Variants in SLC25A36 observed in about 807,000 individuals in gnomAD.
SLC25A36 encodes the protein epididymis secretory sperm binding protein.
Under a neutral mutation model 35.3 loss-of-function variants are expected in SLC25A36, and 24 were observed. The observed-to-expected ratio is 0.68, with a 90% CI of 0.49 to 0.96. The LOEUF (loss-of-function observed/expected upper bound fraction) is 0.96, where lower values mean the gene tolerates loss of function less well. Among genes scored for constraint, SLC25A36 ranks in the 40% least tolerant of loss-of-function variants. SLC25A36 has a pLI of 0.00. For missense variants in SLC25A36, 294 were observed against 381.1 expected, an observed-to-expected ratio of 0.77 and a Z score of 1.90; for synonymous variants, 141 against 132.2, an observed-to-expected ratio of 1.07 and a Z score of -0.46.
chr3:140,957,611 C>G (rs963683319), intron 2 of SLC25A36, among the ~76,000 whole-genome samples: 45 of 152,006 alleles, frequency 3.0e-4, no homozygotes, highest in African/African-American at 1.0e-3. Flanking sequence ...TGTGGTGGTG[C>G]GCACCTGTAA....
intron 1 of SLC25A36, among the ~76,000 whole-genome samples, chr3:140,955,132 A>G (rs1470883000): frequency 6.6e-6 from 1 of 151,670 alleles, no homozygotes; most frequent in Non-Finnish European, 1.5e-5. Flanking sequence ...GTTTTATCTT[A>G]TTTTCTTTGT....
Position 140,942,064 on chromosome 3 carries a change from A to C in SLC25A36, c.10A>C (p.Arg4=). The C allele has an allele frequency of 6.7e-7, 1 of 1,484,972 alleles. No homozygotes were observed. The highest frequency in any genetic ancestry group is 9.1e-7 in the Non-Finnish European group (1 of 1,102,122). The allele number at this position is 1,484,972 out of a possible 1,614,324, so 92.0% of individuals were successfully genotyped here. A position where few individuals can be genotyped will look rare whatever the true frequency, so the allele number is the denominator to read the frequency against. Residue 4 remains arginine (R), a synonymous_variant, in exon 1 of 7, where the codon AGG becomes CGG. Transcript: ENST00000324194. The part of the protein sequence containing the change: MSQ[R]DTLVHLFAGG... ...ACATGCGGGAGAGAGAATGAGCCAGAGGGACACGCTGGTGCATCTGTTTGC... is the reference window on the plus strand; with the variant it reads ...ACATGCGGGAGAGAGAATGAGCCAGCGGGACACGCTGGTGCATCTGTTTGC...
chr3:140,974,311 A>G (rs1383150050), intron 6 of SLC25A36, among the ~76,000 whole-genome samples: 1 of 152,090 alleles, frequency 6.6e-6, no homozygotes, highest in African/African-American at 2.4e-5. Flanking sequence ...TAGGTGCTAT[A>G]CTAGATAGTT....
intron 1 of SLC25A36, chr3:140,942,373 A>C: frequency 3.0e-6 from 1 of 330,262 alleles, no homozygotes; most frequent in Non-Finnish European, 5.5e-6. Context: ...CCGGGCCGGG[A>C]GTGAGGTTTT....
chr3:140,958,391 G>T (rs1934534194), intron 2 of SLC25A36, among the ~76,000 whole-genome samples: 1 of 152,104 alleles, frequency 6.6e-6, no homozygotes, highest in Non-Finnish European at 1.5e-5. Flanking sequence ...AGGTTGTATA[G>T]TATTTGCTTG....
At position 140,976,558 on chromosome 3, in the gene SLC25A36, C is replaced by T. The variant is rs911382056; in HGVS notation, c.*105C>T. ...AGACAGAAGAAAAATAGTTTGGGAACATGTAACTATTCTAAGTGGAAGTTT... is the reference window on the plus strand; with the variant it reads ...AGACAGAAGAAAAATAGTTTGGGAATATGTAACTATTCTAAGTGGAAGTTT... On this transcript the variant is annotated 3_prime_UTR_variant, in exon 7 of 7. Transcript: ENST00000324194. The T allele has an allele frequency of 2.5e-5, 22 of 883,104 alleles. No individual in the cohort carries two copies. The African/African-American group carries it at 3.3e-4, about 13-fold the overall frequency. 54.7% of individuals were successfully genotyped at this position (883,104 alleles called of 1,614,324 possible). A position where few individuals can be genotyped will look rare whatever the true frequency, so the allele number is the denominator to read the frequency against.
chr3:140,968,765 C>A (rs1216078846), intron 4 of SLC25A36: 9 of 883,276 alleles, frequency 1.0e-5, no homozygotes, highest in Non-Finnish European at 9.4e-6. Context: ...AGAAGTAGAA[C>A]TTTTATTTAA....
intron 4 of SLC25A36, chr3:140,968,085 G>T: frequency 2.0e-6 from 2 of 984,910 alleles, no homozygotes; most frequent in Non-Finnish European, 2.4e-6. Context: ...ACCTCAAATT[G>T]CCTTACCATA....
intron 3 of SLC25A36, 59 bp from the exon 4 acceptor site, chr3:140,963,068 A>C: frequency 9.5e-7 from 1 of 1,053,128 alleles, no homozygotes; most frequent in Non-Finnish European, 1.4e-6. Flanking sequence ...AGATCAATTT[A>C]TATGTAAATC....
At chr3:140,966,402 C>A in intron 4 of SLC25A36, 1 of 291,194 alleles carries the variant, frequency 3.4e-6, no homozygotes, top group South Asian at 3.2e-5. Context: ...TATGGATGTG[C>A]AATATTACTG....
intron 4 of SLC25A36, chr3:140,967,835 T>G (rs759363933): frequency 2.0e-5 from 5 of 252,086 alleles, no homozygotes; most frequent in Non-Finnish European, 3.1e-5. Flanking sequence ...TAACTGACTG[T>G]GGAGCAATAT....
Position 140,978,441 on chromosome 3 carries a change from A to T in SLC25A36, c.*1988A>T, listed in dbSNP as rs965156867. 1.3e-5 allele frequency: 2 copies of T among 152,138 alleles called. No individual in the cohort carries two copies. The highest frequency in any genetic ancestry group is 4.8e-5 in the African/African-American group (2 of 41,428). The allele number at this position is 152,138 out of a possible 1,614,324, so 9.4% of individuals were successfully genotyped here. A position where few individuals can be genotyped will look rare whatever the true frequency, so the allele number is the denominator to read the frequency against. ...GCCTTGTGAAGACCCATAAACATTC[A>T]TTGTGTTGAATGTAAGATAGAGACT... is the stretch of plus-strand genomic sequence containing the variant. On this transcript the variant is annotated 3_prime_UTR_variant, in exon 7 of 7. Transcript: ENST00000324194.
At chr3:140,945,010 T>G (rs1934124900) in intron 1 of SLC25A36, among the ~76,000 whole-genome samples, 1 of 152,244 alleles carries the variant, frequency 6.6e-6, no homozygotes, top group South Asian at 2.1e-4. Context: ...TTCCTCTGTC[T>G]TGCTCTGTTT....
intron 6 of SLC25A36, among the ~76,000 whole-genome samples, chr3:140,974,805 G>T (rs991713389): frequency 6.6e-6 from 1 of 152,184 alleles, no homozygotes; most frequent in East Asian, 1.9e-4. Flanking sequence ...GGAAAAATGA[G>T]CCAGGCCTAG....
At chr3:140,945,241 T>A (rs1218129291) in intron 1 of SLC25A36, among the ~76,000 whole-genome samples, 3 of 152,206 alleles carry the variant, frequency 2.0e-5, no homozygotes, top group Non-Finnish European at 4.4e-5. Context: ...ATGTCAGGGC[T>A]ACAATCTCAT....
rs1392966663 is a variant in SLC25A36 at position 140,957,923 on chromosome 3, AGCTTT to A, written c.206+1233_206+1237del. ...AGTAGTTTTGCCTTCCCTTCACAGGAGCTTTAGTAATCCTTCTGGGCTGTGTTTTA... is the reference window on the plus strand; with the variant it reads ...AGTAGTTTTGCCTTCCCTTCACAGGAAGTAATCCTTCTGGGCTGTGTTTTA... On this transcript the variant is annotated intron_variant, in intron 2 of 6. Coordinates refer to ENST00000324194, the MANE Select transcript of SLC25A36 (RefSeq NM_001104647.3). Among the ~76,000 whole-genome samples the A allele has an allele frequency of 5.0e-3, 756 of 152,154 alleles. 9 individuals carry two copies. Among genetic ancestry groups the A allele is most frequent in the African/African-American group, 0.015 (629 of 41,524 alleles).
rs10662120 is a variant in SLC25A36, at chr3:140,975,097, C to CTTTTTTTTTTTTTTTTTTTTTTTT, written c.742+1099_742+1122dup. 2.9e-4 allele frequency among the ~76,000 whole-genome samples: 16 copies of CTTTTTTTTTTTTTTTTTTTTTTTT among 55,222 alleles called. 6 individuals carry two copies. The highest frequency in any genetic ancestry group is 5.3e-4 in the Non-Finnish European group (15 of 28,238). 36.2% of individuals were successfully genotyped at this position (55,222 alleles called of 152,430 possible). On this transcript the variant is annotated intron_variant, in intron 6 of 6. Transcript: ENST00000324194. The stretch of plus-strand genomic sequence containing the variant: ...GTACAGTTGATAAACAAGATACATT[C>CTTTTTTTTTTTTTTTTTTTTTTTT]TTTTTTTTTTTTTTTTTTTTTTTTT...
intron 4 of SLC25A36, chr3:140,968,482 T>G: frequency 1.0e-5 from 10 of 983,536 alleles, no homozygotes; most frequent in Non-Finnish European, 1.2e-5. Flanking sequence ...TGTGTCCTGT[T>G]ACATAGGTTA....
chr3:140,956,020 A>G (rs536635935), intron 1 of SLC25A36, among the ~76,000 whole-genome samples: 1 of 152,292 alleles, frequency 6.6e-6, no homozygotes, highest in South Asian at 2.1e-4. Context: ...TAGGTGAAAT[A>G]CTTCTGAATA....
Sources: allele counts gnomAD v4.1 joint callset (sites outside exome capture counted in the v4.1 genomes callset), GRCh38; gene constraint gnomAD v4.1.1; transcripts MANE v1.5; gene names NCBI Gene and HGNC (gene_info 2026-07-23, HGNC 2026-07-21).